PPP1R11: variants seen among roughly 807,000 people sequenced by gnomAD.
The protein encoded by PPP1R11 is protein phosphatase 1 regulatory inhibitor subunit 11, also known as E3 ubiquitin-protein ligase PPP1R11.
A neutral mutation model predicts 11.3 loss-of-function variants in PPP1R11; 10 were observed. The observed-to-expected ratio is 0.88, with a 90% confidence interval of 0.55 to 1.50. PPP1R11 has a LOEUF of 1.50. Ranked by LOEUF, PPP1R11 falls within the 40% of genes most tolerant of loss-of-function variation. The probability of loss-of-function intolerance (pLI) is 0.00; values close to 1 mark genes in which losing one functional copy is unlikely to be tolerated. For missense variants in PPP1R11, 114 were observed against 179.1 expected (o/e 0.64, Z 2.07); for synonymous variants, 56 against 62.3 (o/e 0.90, Z 0.48).
Position 30,070,288 on chromosome 6 carries a change from A to T in PPP1R11, c.*982A>T, listed in dbSNP as rs1351943516. The T allele has an allele frequency of 6.4e-6, 1 of 157,158 alleles. No individual in the cohort carries two copies. The highest frequency in any genetic ancestry group is 1.4e-5 in the Non-Finnish European group (1 of 70,846). The allele number at this position is 157,158 out of a possible 1,614,324, so 9.7% of individuals were successfully genotyped here. A position where few individuals can be genotyped will look rare whatever the true frequency, so the allele number is the denominator to read the frequency against. On this transcript the variant is annotated 3_prime_UTR_variant, in exon 3 of 3. Coordinates refer to ENST00000376772, the MANE Select transcript of PPP1R11 (RefSeq NM_021959.3). ...AAATCCATACCACCACTGAGATCTCATTTATTGCCACAGATGCACAAAATA... is the reference window on the plus strand; with the variant it reads ...AAATCCATACCACCACTGAGATCTCTTTTATTGCCACAGATGCACAAAATA...
chr6:30,068,509 A>T, intron 1 of PPP1R11, 81 bp from the exon 2 acceptor site: 1 of 1,155,296 alleles, frequency 8.7e-7, no homozygotes, highest in South Asian at 1.4e-5. Context: ...TAAAGAAGAA[A>T]AGAGAGGAGG....
Position 30,069,317 on chromosome 6 carries a change from C to T in PPP1R11, c.*11C>T. The T allele has an allele frequency of 6.4e-7, 1 of 1,560,428 alleles. No homozygotes were observed. The highest frequency in any genetic ancestry group is 8.7e-7 in the Non-Finnish European group (1 of 1,146,578). Reference sequence around the variant, plus strand: ...CCAATGCAGCACTAAATCCCTCTCTCCTCCAGCATTCCTGTGTCTGTCTGG... The same window carrying T: ...CCAATGCAGCACTAAATCCCTCTCTTCTCCAGCATTCCTGTGTCTGTCTGG... On this transcript the variant is annotated 3_prime_UTR_variant, in exon 3 of 3. Coordinates refer to ENST00000376772, the MANE Select transcript of PPP1R11 (RefSeq NM_021959.3). The surrounding 1 kb of genome is among the most constrained non-coding windows in gnomAD (Gnocchi z 6.6).
upstream of PPP1R11, chr6:30,061,933 T>G: frequency 6.2e-7 from 1 of 1,613,098 alleles, no homozygotes; most frequent in Non-Finnish European, 8.5e-7. This position sits in a 1 kb window ranked among gnomAD's most constrained non-coding sequence, Gnocchi z 5.0. Context: ...AGGGGAAGGT[T>G]GTGAAGACTT....
chr6:30,069,301 C>A lies in PPP1R11; in HGVS notation c.376C>A (p.His126Asn). 1.3e-6 allele frequency: 2 copies of A among 1,585,094 alleles called. No homozygotes were observed. The highest frequency in any genetic ancestry group is 1.1e-5 in the South Asian group (1 of 88,602). ...CCAGCCCCCTCCAGGGCCAATGCAG[C>A]ACTAAATCCCTCTCTCCTCCAGCAT... is the stretch of plus-strand genomic sequence containing the variant. ...PSQPPPGPMQH is the reference protein window; with the variant it reads ...PSQPPPGPMQN The change falls in exon 3 of 3, where the codon CAC becomes AAC. Residue 126 changes from histidine to asparagine, a missense_variant. His to Asn is a moderately conservative substitution (Grantham distance 68). Transcript: ENST00000376772. The surrounding 1 kb of genome is among the most constrained non-coding windows in gnomAD (Gnocchi z 6.6).
At chr6:30,061,397 G>A in the PPP1R11 span, 1 of 1,043,120 alleles carries the variant, frequency 9.6e-7, no homozygotes, top group South Asian at 1.7e-5. This position sits in a 1 kb window ranked among gnomAD's most constrained non-coding sequence, Gnocchi z 5.0. Context: ...GAGGCAGGAG[G>A]CGTGCGTGGC....
intron 1 of PPP1R11, 116 bp downstream of exon 1, chr6:30,067,595 G>A: frequency 2.3e-6 from 3 of 1,290,514 alleles, no homozygotes; most frequent in Non-Finnish European, 3.3e-6. Flanking sequence ...GAGGTGTGGG[G>A]TTGAATATCT....
chr6:30,061,599 G>A, the PPP1R11 span: 1 of 1,612,968 alleles, frequency 6.2e-7, no homozygotes. This position sits in a 1 kb window ranked among gnomAD's most constrained non-coding sequence, Gnocchi z 5.0. Flanking sequence ...ATTGCGGCTC[G>A]GTCCTGCCTC....
At position 30,067,215 on chromosome 6, in the gene PPP1R11, C is replaced by T; in HGVS notation, c.-196C>T. 1 of 544,094 alleles carries T rather than the reference C, an allele frequency of 1.8e-6. No individual in the cohort carries two copies. Among genetic ancestry groups the T allele is most frequent in the Non-Finnish European group, 3.3e-6 (1 of 302,792 alleles). 33.7% of individuals were successfully genotyped at this position (544,094 alleles called of 1,614,324 possible). On this transcript the variant is annotated 5_prime_UTR_variant, in exon 1 of 3. Coordinates refer to ENST00000376772, the MANE Select transcript of PPP1R11 (RefSeq NM_021959.3). ...CAGTATGCGTCACACCCGGAAGCGG[C>T]GAGCCGGAAGTGGGGTTAGCCAGGT... is the stretch of plus-strand genomic sequence containing the variant.
intron 1 of PPP1R11, chr6:30,068,284 T>G: frequency 4.2e-6 from 1 of 236,416 alleles, no homozygotes. Context: ...CCAAGGATGA[T>G]TTGGGGAGGA....
chr6:30,061,627 A>G, the PPP1R11 span: 1 of 1,612,992 alleles, frequency 6.2e-7, no homozygotes, highest in Non-Finnish European at 8.5e-7. The surrounding 1 kb of genome is among the most constrained non-coding windows in gnomAD (Gnocchi z 5.0). Context: ...GGCTCAGGAT[A>G]CGGTCACCTG....
At chr6:30,066,547 C>T (rs549353529), upstream of PPP1R11, among the ~76,000 whole-genome samples, 1 of 152,196 alleles carries the variant, frequency 6.6e-6, no homozygotes, top group African/African-American at 2.4e-5. Context: ...TTTGTTAATG[C>T]CCCAGTGTTT....
chr6:30,067,552 G>A, intron 1 of PPP1R11, 73 bp downstream of exon 1: 1 of 1,533,820 alleles, frequency 6.5e-7, no homozygotes, highest in Non-Finnish European at 9.0e-7. Context: ...GGGATTAGAA[G>A]AGTTGTTGGA....
chr6:30,069,545 G>C lies in PPP1R11; in HGVS notation c.*239G>C. ...CTCTCTCGAGGGATCTAGGCACCTT[G>C]GTCCCAGTGTCTTCCTTTTGTTCTC... On this transcript the variant is annotated 3_prime_UTR_variant, in exon 3 of 3. Transcript: ENST00000376772. The surrounding 1 kb of genome is among the most constrained non-coding windows in gnomAD (Gnocchi z 6.6). 2.3e-6 allele frequency: 1 copy of C among 427,390 alleles called. No homozygotes were observed. The highest frequency in any genetic ancestry group is 3.4e-5 in the East Asian group (1 of 29,042). 26.5% of individuals were successfully genotyped at this position (427,390 alleles called of 1,614,324 possible). A position where few individuals can be genotyped will look rare whatever the true frequency, so the allele number is the denominator to read the frequency against.
intron 1 of PPP1R11, 60 bp from the exon 2 acceptor site, chr6:30,068,530 G>A (rs1267920071): frequency 1.5e-6 from 2 of 1,371,534 alleles, no homozygotes; most frequent in Non-Finnish European, 2.1e-6. Context: ...TTCCCTGGGA[G>A]GGAGTGGGAA....
upstream of PPP1R11, chr6:30,062,365 CTG>C: frequency 2.1e-6 from 3 of 1,443,680 alleles, no homozygotes; most frequent in Admixed American, 5.0e-5. Flanking sequence ...TCTGCTCAGT[CTG>C]TTTGCTAACT....
chr6:30,061,308 C>T, the PPP1R11 span: 1 of 490,862 alleles, frequency 2.0e-6, no homozygotes, highest in South Asian at 3.8e-5. This position sits in a 1 kb window ranked among gnomAD's most constrained non-coding sequence, Gnocchi z 5.0. Context: ...CTCCTCTCAC[C>T]GGCCCCTGGA....
intron 1 of PPP1R11, chr6:30,067,778 G>C (rs186998960): frequency 5.1e-6 from 2 of 392,344 alleles, no homozygotes; most frequent in African/African-American, 4.1e-5. Flanking sequence ...AAGGAGCCAG[G>C]AAGATGTTGG....
Position 30,067,311 on chromosome 6 carries a change from A to T in PPP1R11, c.-100A>T, listed in dbSNP as rs146018631. On this transcript the variant is annotated 5_prime_UTR_variant, in exon 1 of 3. Coordinates refer to ENST00000376772, the MANE Select transcript of PPP1R11 (RefSeq NM_021959.3). ...AAGAAGGTGGAGGATCCTGGCTACC[A>T]CTCTGAATCCGATACCGCTTCTCTT... 44 of 1,259,384 alleles carry T rather than the reference A, an allele frequency of 3.5e-5. No individual in the cohort carries two copies. In the East Asian group the frequency reaches 1.1e-3, roughly 30 times the overall value. 78.0% of individuals were successfully genotyped at this position (1,259,384 alleles called of 1,614,324 possible).
upstream of PPP1R11, chr6:30,064,592 A>C: frequency 7.6e-7 from 1 of 1,323,812 alleles, no homozygotes; most frequent in Non-Finnish European, 1.1e-6. Flanking sequence ...TCCTTCCTTG[A>C]TTATTTGATT....
Sources: gnomAD v4.1 joint callset for allele counts (sites outside exome capture counted in the v4.1 genomes callset) on GRCh38, gnomAD v4.1.1 for gene constraint, Gnocchi (gnomAD v3.1) non-coding constraint, MANE v1.5 for transcripts, NCBI Gene and HGNC (gene_info 2026-07-23, HGNC 2026-07-21) for gene names.